The following ZFPM2 variants were observed in gnomAD, a reference collection of about 807,000 sequenced individuals.
ZFPM2 encodes the protein zinc finger protein, FOG family member 2, also known as zinc finger protein ZFPM2.
Under a neutral mutation model 98.6 loss-of-function variants are expected in ZFPM2, and 20 were observed. That is an observed-to-expected ratio of 0.20 (90% CI 0.14 to 0.29). ZFPM2 has a LOEUF of 0.29. Among genes scored for constraint, ZFPM2 ranks in the 10% least tolerant of loss-of-function variants. The probability of loss-of-function intolerance (pLI) is 1.00; values close to 1 mark genes in which losing one functional copy is unlikely to be tolerated. For missense variants in ZFPM2, 1,310 were observed against 1,388.6 expected (o/e 0.94, Z 0.90); for synonymous variants, 518 against 502.7 (o/e 1.03, Z -0.41).
chr8:105,448,049 CCTGTTTAAGTATA>C (rs1465552290), intron 3 of ZFPM2, among the ~76,000 whole-genome samples: 1 of 151,942 alleles, frequency 6.6e-6, no homozygotes, highest in Non-Finnish European at 1.5e-5. Flanking sequence ...GTTTGTGATT[CCTGTTTAAGTATA>C]CTTCAAATTC....
intron 3 of ZFPM2, among the ~76,000 whole-genome samples, chr8:105,548,608 A>G (rs1041089545): frequency 3.3e-5 from 5 of 152,116 alleles, no homozygotes; most frequent in African/African-American, 1.2e-4. Context: ...AAAATGCTTG[A>G]CATTCTATTT....
At chr8:105,707,991 C>T (rs1811301053) in intron 5 of ZFPM2, among the ~76,000 whole-genome samples, 1 of 152,142 alleles carries the variant, frequency 6.6e-6, no homozygotes, top group Non-Finnish European at 1.5e-5. Flanking sequence ...GTCCACAGCT[C>T]ATTGACTAGA....
Position 105,419,426 on chromosome 8 carries a change from A to AT in ZFPM2, c.199+131dup, listed in dbSNP as rs1442743984. Reference sequence around the variant, plus strand: ...TTCAGCCGTCTGAAAATAAGTGCAGATTTTTTTAAACATAAAATTTTATTT... The same window carrying AT: ...TTCAGCCGTCTGAAAATAAGTGCAGATTTTTTTTAAACATAAAATTTTATTT... On this transcript the variant is annotated intron_variant, in intron 2 of 7. Coordinates refer to ENST00000407775, the MANE Select transcript of ZFPM2 (RefSeq NM_012082.4). 5.0e-6 allele frequency: 6 copies of AT among 1,191,050 alleles called. 1 individual carries two copies. Among genetic ancestry groups the AT allele is most frequent in the Admixed American group, 6.2e-5 (2 of 32,348 alleles). The allele number at this position is 1,191,050 out of a possible 1,614,324, so 73.8% of individuals were successfully genotyped here. A position where few individuals can be genotyped will look rare whatever the true frequency, so the allele number is the denominator to read the frequency against.
chr8:105,391,560 C>G (rs976180624), intron 1 of ZFPM2, among the ~76,000 whole-genome samples: 3 of 152,196 alleles, frequency 2.0e-5, no homozygotes, highest in African/African-American at 7.2e-5. Flanking sequence ...TCCTCACACA[C>G]CCTACTTATG....
chr8:105,318,500 G>C lies in ZFPM2; in HGVS notation c.-442G>C, dbSNP rs1386111151. Among the ~76,000 whole-genome samples the C allele has an allele frequency of 6.7e-6, 1 of 149,586 alleles. No individual in the cohort carries two copies. Among genetic ancestry groups the C allele is most frequent in the Non-Finnish European group, 1.5e-5 (1 of 67,178 alleles). On this transcript the variant is annotated 5_prime_UTR_variant, in exon 1 of 8. Coordinates refer to ENST00000407775, the MANE Select transcript of ZFPM2 (RefSeq NM_012082.4). ...CGCCGGAGTATCCGTCCCGCACGCC[G>C]GGGCGAGGGGCGAGCGAGCGCGCTC...
At chr8:105,554,431 G>C (rs1325584372) in intron 3 of ZFPM2, among the ~76,000 whole-genome samples, 1 of 152,098 alleles carries the variant, frequency 6.6e-6, no homozygotes, top group African/African-American at 2.4e-5. Flanking sequence ...AAAATGTTTT[G>C]AGATTTTTAG....
chr8:105,401,634 T>A (rs1480922155), intron 1 of ZFPM2, among the ~76,000 whole-genome samples: 3 of 152,094 alleles, frequency 2.0e-5, no homozygotes, highest in Non-Finnish European at 2.9e-5. Context: ...TACCAGTTGT[T>A]TTGATGTGTC....
At chr8:105,581,272 T>C (rs1025573673) in intron 4 of ZFPM2, among the ~76,000 whole-genome samples, 11 of 152,150 alleles carry the variant, frequency 7.2e-5, no homozygotes, top group African/African-American at 2.7e-4. Context: ...AAGTGGTAAT[T>C]GTGAGCTTTT....
chr8:105,521,130 T>TAC (rs1309585761), intron 3 of ZFPM2, among the ~76,000 whole-genome samples: 15 of 129,466 alleles, frequency 1.2e-4, no homozygotes, highest in African/African-American at 5.2e-4. Flanking sequence ...TGTATATATA[T>TAC]ATACACACAC....
At chr8:105,581,197 A>C (rs1394600663) in intron 4 of ZFPM2, among the ~76,000 whole-genome samples, 4 of 152,146 alleles carry the variant, frequency 2.6e-5, no homozygotes, top group Non-Finnish European at 4.4e-5. Flanking sequence ...AGTTTAAAAA[A>C]GGCATCCTAA....
intron 1 of ZFPM2, among the ~76,000 whole-genome samples, chr8:105,405,643 T>C (rs899099903): frequency 2.0e-5 from 3 of 151,978 alleles, no homozygotes; most frequent in South Asian, 2.1e-4. Flanking sequence ...TATTCCATGG[T>C]GTATATGTGC....
intron 5 of ZFPM2, among the ~76,000 whole-genome samples, chr8:105,726,680 T>A (rs1200111224): frequency 6.6e-6 from 1 of 151,796 alleles, no homozygotes; most frequent in Non-Finnish European, 1.5e-5. Flanking sequence ...AGTGAAAGGA[T>A]GCACTTAAGA....
chr8:105,426,584 G>C (rs1811916408), intron 2 of ZFPM2, among the ~76,000 whole-genome samples: 1 of 151,936 alleles, frequency 6.6e-6, no homozygotes. Context: ...AAAATTATTA[G>C]TTTTTCTTAG....
At chr8:105,677,229 A>T (rs1361335567) in intron 5 of ZFPM2, among the ~76,000 whole-genome samples, 1 of 150,950 alleles carries the variant, frequency 6.6e-6, no homozygotes, top group Non-Finnish European at 1.5e-5. Context: ...TTTTTTTTTA[A>T]GACAAACATA....
intron 5 of ZFPM2, among the ~76,000 whole-genome samples, chr8:105,708,091 A>T (rs758487713): frequency 2.4e-4 from 36 of 152,264 alleles, no homozygotes; most frequent in Non-Finnish European, 4.3e-4. Flanking sequence ...ATTAGGAGGG[A>T]TCTGACAGTT....
At chr8:105,657,656 C>T (rs963677456) in intron 5 of ZFPM2, among the ~76,000 whole-genome samples, 13 of 152,128 alleles carry the variant, frequency 8.5e-5, no homozygotes, top group African/African-American at 3.1e-4. Context: ...ACTTTATAAG[C>T]AAACCTTGTA....
intron 3 of ZFPM2, among the ~76,000 whole-genome samples, chr8:105,550,871 C>CA (rs1393878646): frequency 9.2e-5 from 14 of 152,136 alleles, no homozygotes; most frequent in Admixed American, 2.6e-4. Flanking sequence ...ACTGAAAACA[C>CA]AGAGTGTCAA....
intron 1 of ZFPM2, among the ~76,000 whole-genome samples, chr8:105,325,349 A>G (rs1227595448): frequency 6.6e-6 from 1 of 151,904 alleles, no homozygotes; most frequent in Non-Finnish European, 1.5e-5. Flanking sequence ...TAGCATAAAG[A>G]TAGCACATTT....
At chr8:105,798,171 G>T (rs1041837624) in intron 6 of ZFPM2, 3 of 152,100 alleles carry the variant, frequency 2.0e-5, no homozygotes, top group African/African-American at 7.2e-5. Context: ...AATATCTTAG[G>T]CCAGGCAGTG....
Sources: gnomAD v4.1 joint callset for allele counts (sites outside exome capture counted in the v4.1 genomes callset) on GRCh38, gnomAD v4.1.1 for gene constraint, MANE v1.5 for transcripts, NCBI Gene and HGNC (gene_info 2026-07-23, HGNC 2026-07-21) for gene names.